Variants in GLCE observed in about 807,000 individuals in gnomAD.
GLCE encodes the protein D-glucuronyl C5-epimerase.
Under a neutral mutation model 47.9 loss-of-function variants are expected in GLCE, and 19 were observed. The ratio of observed to expected loss-of-function variants is 0.40; its 90% CI spans 0.28 to 0.58. The LOEUF (loss-of-function observed/expected upper bound fraction) is 0.58, where lower values mean the gene tolerates loss of function less well. GLCE is among the 20% of genes least tolerant of loss of function. GLCE has a pLI of 0.48. For missense variants in GLCE, 556 were observed against 743.3 expected (o/e 0.75, Z 2.93); for synonymous variants, 245 against 263.4 (o/e 0.93, Z 0.68).
chr15:69,271,068 A>C lies in GLCE; in HGVS notation c.*1824A>C, dbSNP rs777139469. Reference sequence around the variant, plus strand: ...TGGTTCATACGTCTGCTTTGTTTGCATACTGGTCTTCAGATTATGAGACTC... The same window carrying C: ...TGGTTCATACGTCTGCTTTGTTTGCCTACTGGTCTTCAGATTATGAGACTC... On this transcript the variant is annotated 3_prime_UTR_variant, in exon 5 of 5. Coordinates refer to ENST00000261858, the MANE Select transcript of GLCE (RefSeq NM_015554.3). 6.6e-6 allele frequency: 1 copy of C among 152,636 alleles called. No homozygotes were observed. The highest frequency in any genetic ancestry group is 1.5e-5 in the Non-Finnish European group (1 of 68,030). The allele number at this position is 152,636 out of a possible 1,614,324, so 9.5% of individuals were successfully genotyped here.
intron 1 of GLCE, among the ~76,000 whole-genome samples, chr15:69,173,475 G>C (rs1311269771): frequency 6.6e-5 from 10 of 152,252 alleles, no homozygotes; most frequent in African/African-American, 2.4e-4. Flanking sequence ...GCAGTCTGGA[G>C]GATGGAACTA....
At chr15:69,256,786 G>T (rs2052931706) in intron 3 of GLCE, among the ~76,000 whole-genome samples, 1 of 152,152 alleles carries the variant, frequency 6.6e-6, no homozygotes, top group Admixed American at 6.6e-5. Flanking sequence ...AATGAGTCAG[G>T]TGTCATCTCT....
chr15:69,239,734 T>C (rs1284796719), intron 2 of GLCE, among the ~76,000 whole-genome samples: 1 of 152,218 alleles, frequency 6.6e-6, no homozygotes, highest in Non-Finnish European at 1.5e-5. Context: ...TATGTTACTT[T>C]TTTTTAAAGC....
intron 2 of GLCE, among the ~76,000 whole-genome samples, chr15:69,226,042 GCACAGACACACACACACACACACACACA>G (rs67383748): frequency 0.58 from 84,520 of 146,928 alleles, 25,130 homozygotes; most frequent in Admixed American, 0.68. Context: ...GTGCACGCAT[GCACAGACACACACACACACACACACACA>G]CACAGACACA....
intron 2 of GLCE, among the ~76,000 whole-genome samples, 168 bp downstream of exon 2, chr15:69,210,574 T>C (rs1401776522): frequency 6.6e-6 from 1 of 152,170 alleles, no homozygotes; most frequent in Non-Finnish European, 1.5e-5. Flanking sequence ...GATTAACACA[T>C]TTAAATTTCC....
intron 2 of GLCE, among the ~76,000 whole-genome samples, chr15:69,245,297 C>T (rs1044461805): frequency 6.9e-6 from 1 of 144,000 alleles, no homozygotes; most frequent in Non-Finnish European, 1.5e-5. Context: ...CACATCACTG[C>T]ACTCCAGCCT....
At chr15:69,176,990 A>T (rs1009238605) in intron 1 of GLCE, among the ~76,000 whole-genome samples, 6 of 151,350 alleles carry the variant, frequency 4.0e-5, no homozygotes, top group Non-Finnish European at 1.5e-5. Flanking sequence ...GAAGTGGATA[A>T]TGTTTCAAAC....
intron 1 of GLCE, among the ~76,000 whole-genome samples, chr15:69,195,299 G>C (rs2051970641): frequency 6.6e-6 from 1 of 151,964 alleles, no homozygotes. Flanking sequence ...TGTAAATATA[G>C]TCTCAGCTAA....
Position 69,260,773 on chromosome 15 carries a change from A to C in GLCE, c.587-314A>C, listed in dbSNP as rs115999670. 4.0e-3 allele frequency: 1,088 copies of C among 269,590 alleles called. 10 individuals carry two copies. Among genetic ancestry groups the C allele is most frequent in the African/African-American group, 0.022 (1,021 of 46,236 alleles). The allele number at this position is 269,590 out of a possible 1,614,324, so 16.7% of individuals were successfully genotyped here. On this transcript the variant is annotated intron_variant, in intron 3 of 4. Transcript: ENST00000261858. Reference sequence around the variant, plus strand: ...GCAGAATTTGAATGTAGGAAACAGGATTATGAAACATGACATCTGTAGCCA... The same window carrying C: ...GCAGAATTTGAATGTAGGAAACAGGCTTATGAAACATGACATCTGTAGCCA...
Position 69,243,136 on chromosome 15 carries a change from TGGTGTCCTGTTA to T in GLCE, c.-13-12655_-13-12644del, listed in dbSNP as rs973717456. On this transcript the variant is annotated intron_variant, in intron 2 of 4. Transcript: ENST00000261858. ...GAAAAAAAGAAAACTGGAATTGCTT[TGGTGTCCTGTTA>T]GGGGTAAGACTAAGATTTTCCTACA... is the stretch of plus-strand genomic sequence containing the variant. 9.9e-5 allele frequency among the ~76,000 whole-genome samples: 15 copies of T among 151,568 alleles called. 1 individual carries two copies. Among genetic ancestry groups the T allele is most frequent in the Non-Finnish European group, 2.1e-4 (14 of 67,912 alleles).
chr15:69,165,192 C>T (rs1367934164), intron 1 of GLCE, among the ~76,000 whole-genome samples: 1 of 152,136 alleles, frequency 6.6e-6, no homozygotes, highest in Non-Finnish European at 1.5e-5. Flanking sequence ...AGGTATAAAG[C>T]CCAGCATCCA....
intron 3 of GLCE, among the ~76,000 whole-genome samples, chr15:69,259,856 G>A (rs72756310): frequency 0.041 from 6,310 of 152,180 alleles, 339 homozygotes; most frequent in East Asian, 0.24. Context: ...ACCTAATTCC[G>A]TAAACATTGT....
chr15:69,171,922 A>G (rs892875667), intron 1 of GLCE, among the ~76,000 whole-genome samples: 5 of 152,210 alleles, frequency 3.3e-5, no homozygotes, highest in African/African-American at 9.6e-5. Flanking sequence ...GGGAATTTGA[A>G]GAAAGAATTT....
chr15:69,218,683 G>T (rs1284995653), intron 2 of GLCE, among the ~76,000 whole-genome samples: 1 of 152,140 alleles, frequency 6.6e-6, no homozygotes, highest in Non-Finnish European at 1.5e-5. Context: ...TGTTTTATGT[G>T]TGTTATACAA....
chr15:69,248,209 C>A (rs546999626), intron 2 of GLCE, among the ~76,000 whole-genome samples: 96 of 152,260 alleles, frequency 6.3e-4, no homozygotes, highest in African/African-American at 2.2e-3. Flanking sequence ...TCCTAACAAC[C>A]AAAAATATTA....
intron 1 of GLCE, among the ~76,000 whole-genome samples, chr15:69,206,811 A>T (rs2052158534): frequency 1.3e-5 from 2 of 152,070 alleles, no homozygotes; most frequent in South Asian, 2.1e-4. Flanking sequence ...TGGGTACTGG[A>T]TATACTTGTT....
rs771586419 is a variant in GLCE at position 69,255,969 on chromosome 15, A to G, written c.163A>G (p.Arg55Gly). ...SGFRVDGFEK[R>G]AAASESNNYM... ...CTTCAGAGTGGATGGGTTTGAAAAAAGAGCAGCAGCATCTGAGAGTAACAA... is the reference window on the plus strand; with the variant it reads ...CTTCAGAGTGGATGGGTTTGAAAAAGGAGCAGCAGCATCTGAGAGTAACAA... Residue 55 changes from arginine (R) to glycine (G), a missense_variant, in exon 3 of 5, where the codon AGA becomes GGA. Arg to Gly is a moderately radical substitution (Grantham distance 125). Around this residue, in one of 3 missense-constraint regions of GLCE, gnomAD observed 237 missense variants for 310.9 expected, o/e 0.76. Transcript: ENST00000261858. The G allele has an allele frequency of 6.2e-7, 1 of 1,614,054 alleles. No individual in the cohort carries two copies. The highest frequency in any genetic ancestry group is 8.5e-7 in the Non-Finnish European group (1 of 1,180,012).
At chr15:69,233,500 C>T (rs556415230) in intron 2 of GLCE, among the ~76,000 whole-genome samples, 1 of 152,278 alleles carries the variant, frequency 6.6e-6, no homozygotes, top group South Asian at 2.1e-4. Context: ...CTCCCAACCC[C>T]AGGCACTAGT....
rs142238965 is a variant in GLCE at position 69,266,542 on chromosome 15, T to G, written c.830-1678T>G. Among the ~76,000 whole-genome samples, 150 of 152,314 alleles carry G rather than the reference T, an allele frequency of 9.8e-4. 2 individuals carry two copies. Among genetic ancestry groups the G allele is most frequent in the East Asian group, 8.3e-3 (43 of 5,184 alleles). ...TCTCGCTTTCTTGCCCAGACTGGTC[T>G]CAAGCTCCTCGCTTCAAGCAGTCCT... On this transcript the variant is annotated intron_variant, in intron 4 of 4. Coordinates refer to ENST00000261858, the MANE Select transcript of GLCE (RefSeq NM_015554.3).
Sources: gnomAD v4.1 joint callset for allele counts (sites outside exome capture counted in the v4.1 genomes callset) on GRCh38, gnomAD v4.1.1 for gene constraint, gnomAD v4.1.1 regional missense constraint, MANE v1.5 for transcripts, NCBI Gene and HGNC (gene_info 2026-07-23, HGNC 2026-07-21) for gene names.